CDH23: variants seen among roughly 807,000 people sequenced by gnomAD.
CDH23 encodes the protein cadherin related 23, also known as cadherin-23.
CDH23 carries 189 observed loss-of-function variants against 317.1 expected under a neutral mutation model. The observed-to-expected ratio is 0.60, with a 90% confidence interval of 0.53 to 0.67. The LOEUF (loss-of-function observed/expected upper bound fraction) is 0.67. Ranked by LOEUF, CDH23 falls within the 30% of genes least tolerant of loss-of-function variation. The pLI is 0.00. For synonymous variants in CDH23, 1,839 were observed against 1,876.8 expected, an observed-to-expected ratio of 0.98 and a Z score of 0.52; for missense variants, 4,401 against 4,592.4, an observed-to-expected ratio of 0.96 and a Z score of 1.20.
intron 60 of CDH23, among the ~76,000 whole-genome samples, chr10:71,809,134 C>G (rs1841830549): frequency 6.8e-6 from 1 of 146,940 alleles, no homozygotes; most frequent in South Asian, 2.1e-4. Flanking sequence ...ACCTGACCAT[C>G]TCTCTTCTAT....
At chr10:71,544,167 T>C (rs534194908) in intron 6 of CDH23, among the ~76,000 whole-genome samples, 2 of 152,306 alleles carry the variant, frequency 1.3e-5, no homozygotes, top group African/African-American at 2.4e-5. Context: ...AAGCTAATTT[T>C]CCTGGTTTTT....
intron 38 of CDH23, chr10:71,760,874 T>C: frequency 6.2e-7 from 1 of 1,613,468 alleles, no homozygotes; most frequent in Non-Finnish European, 8.5e-7. Context: ...TTACTTTCAC[T>C]ATCCTGGGAG....
chr10:71,712,958 G>C, intron 28 of CDH23, 145 bp downstream of exon 28: 1 of 985,116 alleles, frequency 1.0e-6, no homozygotes, highest in Non-Finnish European at 1.6e-6. Flanking sequence ...GGTGCTGTGG[G>C]GAAAGGGGGA....
At chr10:71,609,609 T>C (rs12257344) in intron 9 of CDH23, among the ~76,000 whole-genome samples, 32,539 of 152,180 alleles carry the variant, frequency 0.21, 4,144 homozygotes, top group African/African-American at 0.34. Context: ...TCCCTGACTC[T>C]GGGCACCCGG....
In CDH23 at chr10:71,571,280, A is replaced by AGCCGTGTCTCT. The variant is rs199851072; in HGVS notation, c.753+371_753+381dup. 8.8e-3 allele frequency among the ~76,000 whole-genome samples: 1,337 copies of AGCCGTGTCTCT among 152,346 alleles called. 23 individuals are homozygous for AGCCGTGTCTCT. Among genetic ancestry groups the AGCCGTGTCTCT allele is most frequent in the Admixed American group, 0.047 (716 of 15,296 alleles). On this transcript the variant is annotated intron_variant, in intron 8 of 69. Transcript: ENST00000224721. The stretch of plus-strand genomic sequence containing the variant: ...GCTCCACAGAACATCAGTGTGGCTC[A>AGCCGTGTCTCT]GCCGTGTCTCTGCCGTGTCAGTCTG...
chr10:71,514,922 G>A (rs560701281), intron 6 of CDH23, among the ~76,000 whole-genome samples: 41 of 152,316 alleles, frequency 2.7e-4, no homozygotes, highest in African/African-American at 8.4e-4. Flanking sequence ...TTGCTCAAAC[G>A]TGTTTGCCTG....
chr10:71,428,144 T>C (rs925032191), intron 1 of CDH23, among the ~76,000 whole-genome samples: 22 of 150,372 alleles, frequency 1.5e-4, no homozygotes, highest in South Asian at 4.2e-4. Flanking sequence ...TCTTTCTTTT[T>C]TTTTTTTTTT....
intron 65 of CDH23, 22 bp from the exon 66 acceptor site, chr10:71,811,933 G>A: frequency 6.6e-7 from 1 of 1,514,960 alleles, no homozygotes; most frequent in Non-Finnish European, 8.9e-7. Flanking sequence ...TCCCCTCCAT[G>A]CCCCAACCCT....
chr10:71,533,525 C>CCACACACACACACACA (rs55659529), intron 6 of CDH23, among the ~76,000 whole-genome samples: 91 of 130,822 alleles, frequency 7.0e-4, no homozygotes, highest in East Asian at 1.8e-3. Flanking sequence ...TGGCTGGACA[C>CCACACACACACACACA]CACACACACA....
chr10:71,618,762 T>C (rs556418037), intron 11 of CDH23, among the ~76,000 whole-genome samples: 1 of 152,218 alleles, frequency 6.6e-6, no homozygotes, highest in Non-Finnish European at 1.5e-5. Flanking sequence ...CAACCAGACA[T>C]GGTCCCCCCA....
chr10:71,688,576 T>TAA (rs1865008503), intron 19 of CDH23, among the ~76,000 whole-genome samples: 1 of 124,292 alleles, frequency 8.0e-6, no homozygotes, highest in African/African-American at 3.1e-5. Context: ...CCAGGGGTTG[T>TAA]GGAGTCAGGG....
intron 6 of CDH23, among the ~76,000 whole-genome samples, chr10:71,535,502 A>C (rs1296229322): frequency 1.3e-5 from 2 of 152,200 alleles, no homozygotes; most frequent in Non-Finnish European, 1.5e-5. Flanking sequence ...GGAAAACGCC[A>C]AGGAAAATGC....
chr10:71,792,877 G>A, intron 47 of CDH23, among the ~76,000 whole-genome samples: 8 of 86,962 alleles, frequency 9.2e-5, no homozygotes, highest in East Asian at 3.4e-4. Context: ...ATATATATAT[G>A]TCTCAAGTTG....
At chr10:71,532,848 G>T (rs1255455200) in intron 6 of CDH23, among the ~76,000 whole-genome samples, 2 of 150,146 alleles carry the variant, frequency 1.3e-5, no homozygotes, top group East Asian at 3.9e-4. Context: ...TCCTGCATCA[G>T]CCTCCCAAGT....
chr10:71,430,972 G>A (rs905667489), intron 1 of CDH23, among the ~76,000 whole-genome samples: 3 of 152,106 alleles, frequency 2.0e-5, no homozygotes, highest in African/African-American at 7.2e-5. Flanking sequence ...GCTAGGAGTC[G>A]GATAGCATGA....
At position 71,486,723 on chromosome 10, in the gene CDH23, T is replaced by C. The variant is rs79044290; in HGVS notation, c.146-23359T>C. Among the ~76,000 whole-genome samples the C allele has an allele frequency of 5.4e-3, 820 of 152,276 alleles. 8 individuals are homozygous for C. The highest frequency in any genetic ancestry group is 0.016 in the African/African-American group (651 of 41,548). On this transcript the variant is annotated intron_variant, in intron 3 of 69. Coordinates refer to ENST00000224721, the MANE Select transcript of CDH23 (RefSeq NM_022124.6). ...CCTGGTGTGTCAAACTCCAGCGCTG[T>C]ACTCTTGGGCTACTCTTCATTGTCC...
Position 71,773,411 on chromosome 10 carries a change from C to G in CDH23, c.4846-4269C>G, listed in dbSNP as rs1215056530. On this transcript the variant is annotated intron_variant, in intron 38 of 69. Coordinates refer to ENST00000224721, the MANE Select transcript of CDH23 (RefSeq NM_022124.6). ...GAGCAGGGATCCCCAGCGCCAGCTGCCGGCCTCCAGGGCCGTGGGGACGCC... is the reference window on the plus strand; with the variant it reads ...GAGCAGGGATCCCCAGCGCCAGCTGGCGGCCTCCAGGGCCGTGGGGACGCC... 3 of 1,608,014 alleles carry G rather than the reference C, an allele frequency of 1.9e-6. No individual in the cohort carries two copies. In the Admixed American group the frequency reaches 5.0e-5, roughly 27 times the overall value.
At chr10:71,519,619 A>T (rs1412031928) in intron 6 of CDH23, among the ~76,000 whole-genome samples, 1 of 152,204 alleles carries the variant, frequency 6.6e-6, no homozygotes, top group African/African-American at 2.4e-5. Context: ...GCACACTGGG[A>T]GGCCATAAAC....
At chr10:71,408,359 G>A (rs1443116407) in intron 1 of CDH23, among the ~76,000 whole-genome samples, 1 of 152,092 alleles carries the variant, frequency 6.6e-6, no homozygotes, top group Non-Finnish European at 1.5e-5. Flanking sequence ...GGATGTGTGT[G>A]TGTTAGAAGA....
Sources: gnomAD v4.1 joint callset for allele counts (sites outside exome capture counted in the v4.1 genomes callset) on GRCh38, gnomAD v4.1.1 for gene constraint, MANE v1.5 for transcripts, NCBI Gene and HGNC (gene_info 2026-07-23, HGNC 2026-07-21) for gene names.